SND1: variants seen among roughly 807,000 people sequenced by gnomAD.
The protein encoded by SND1 is staphylococcal nuclease and tudor domain containing 1.
In SND1, 38 loss-of-function variants were observed where a neutral mutation model predicts 121.7. That is an observed-to-expected ratio of 0.31 (90% CI 0.24 to 0.41). The LOEUF is 0.41. Among genes scored for constraint, SND1 ranks in the 10% least tolerant of loss-of-function variants. The probability of loss-of-function intolerance (pLI) is 1.00; values close to 1 mark genes in which losing one functional copy is unlikely to be tolerated. For missense variants in SND1, 868 were observed against 1,184.6 expected (o/e 0.73, Z 3.92); for synonymous variants, 401 against 447.4 (o/e 0.90, Z 1.31).
intron 12 of SND1, among the ~76,000 whole-genome samples, chr7:127,885,892 G>A (rs1401247457): frequency 6.6e-6 from 1 of 152,090 alleles, no homozygotes; most frequent in Admixed American, 6.6e-5. Flanking sequence ...TATCAAAAGT[G>A]GAGTTGTCCC....
intron 15 of SND1, 140 bp downstream of exon 15, chr7:127,929,469 A>G: frequency 3.6e-6 from 3 of 835,724 alleles, no homozygotes; most frequent in Non-Finnish European, 5.8e-6. Context: ...ATGCAAACAC[A>G]GTTTCTAGAT....
At chr7:127,831,212 C>G (rs991268515) in intron 11 of SND1, among the ~76,000 whole-genome samples, 4 of 152,194 alleles carry the variant, frequency 2.6e-5, no homozygotes, top group African/African-American at 9.7e-5. Flanking sequence ...GGGGATGGGG[C>G]ACAGCCCTTC....
intron 1 of SND1, among the ~76,000 whole-genome samples, chr7:127,656,909 G>A (rs1795221016): frequency 6.6e-6 from 1 of 152,216 alleles, no homozygotes; most frequent in Admixed American, 6.5e-5. Flanking sequence ...AGGCTAGGAT[G>A]GAAGGCTTTT....
chr7:127,704,858 T>A lies in SND1; in HGVS notation c.860T>A (p.Leu287His). The part of the protein sequence containing the change: ...ILHPNGNITE[L>H]LLKEGFARCV... ...TTTCAGAATGGCAACATCACAGAGC[T>A]CCTCCTGAAGGAAGGTTTCGCACGC... The change falls in exon 8 of 24, where the codon CTC (leucine) becomes CAC (histidine). Residue 287 changes from leucine to histidine, a missense_variant. Physicochemically the swap from Leu to His is moderately conservative, Grantham distance 99. Coordinates refer to ENST00000354725, the MANE Select transcript of SND1 (RefSeq NM_014390.4). 1.9e-6 allele frequency: 3 copies of A among 1,613,962 alleles called. No homozygotes were observed. Among genetic ancestry groups the A allele is most frequent in the Non-Finnish European group, 2.5e-6 (3 of 1,179,914 alleles).
chr7:127,979,461 G>C (rs1802207209), intron 15 of SND1, among the ~76,000 whole-genome samples: 1 of 152,180 alleles, frequency 6.6e-6, no homozygotes. Context: ...CTTTTAAAGA[G>C]AGCAGGGGTA....
At chr7:128,013,408 G>A (rs754714309) in intron 16 of SND1, among the ~76,000 whole-genome samples, 2 of 152,230 alleles carry the variant, frequency 1.3e-5, no homozygotes, top group African/African-American at 4.8e-5. Context: ...GCAAACTAAT[G>A]AATATGTGAA....
At chr7:127,927,647 T>C (rs550086637) in intron 14 of SND1, among the ~76,000 whole-genome samples, 53 of 152,030 alleles carry the variant, frequency 3.5e-4, no homozygotes, top group Non-Finnish European at 5.9e-5. Context: ...TGGATCGCTG[T>C]CTCTCTTTTT....
chr7:128,030,568 T>G (rs1409501036), intron 16 of SND1: 4 of 1,610,282 alleles, frequency 2.5e-6, no homozygotes, highest in Non-Finnish European at 3.4e-6. Flanking sequence ...ACTTGCGCCG[T>G]GAGGTAGACG....
intron 9 of SND1, among the ~76,000 whole-genome samples, chr7:127,708,402 C>T (rs1174615536): frequency 6.0e-5 from 4 of 66,942 alleles, no homozygotes; most frequent in Admixed American, 5.6e-4. Context: ...TCCCTTCCTC[C>T]CTTCCTCCCT....
At chr7:127,935,513 G>C (rs1801043292) in intron 15 of SND1, among the ~76,000 whole-genome samples, 1 of 152,222 alleles carries the variant, frequency 6.6e-6, no homozygotes, top group Non-Finnish European at 1.5e-5. Flanking sequence ...ATTCTGAAGA[G>C]AAGGAATCAG....
chr7:127,759,458 CCTT>C (rs1343215425), intron 10 of SND1, among the ~76,000 whole-genome samples: 1 of 152,110 alleles, frequency 6.6e-6, no homozygotes, highest in African/African-American at 2.4e-5. Context: ...GTGTCCCCAT[CCTT>C]CTTTGATCCA....
At chr7:127,943,361 C>T (rs1302521196) in intron 15 of SND1, among the ~76,000 whole-genome samples, 3 of 152,146 alleles carry the variant, frequency 2.0e-5, no homozygotes, top group African/African-American at 7.2e-5. Context: ...AATAAAAATA[C>T]TCATGAAATT....
chr7:127,711,710 G>C (rs1384982600), intron 9 of SND1, among the ~76,000 whole-genome samples: 1 of 151,626 alleles, frequency 6.6e-6, no homozygotes, highest in East Asian at 1.9e-4. Flanking sequence ...CTATTATTTG[G>C]TTGTTGGATT....
intron 1 of SND1, among the ~76,000 whole-genome samples, chr7:127,664,858 G>A (rs992232695): frequency 2.6e-5 from 4 of 152,162 alleles, no homozygotes; most frequent in Non-Finnish European, 5.9e-5. Flanking sequence ...ATTGCTTGGT[G>A]TGGAAAAAAA....
At chr7:127,845,863 A>G (rs1457987879) in intron 12 of SND1, among the ~76,000 whole-genome samples, 1 of 152,216 alleles carries the variant, frequency 6.6e-6, no homozygotes, top group Non-Finnish European at 1.5e-5. Flanking sequence ...TTAAAATGAG[A>G]TATTCAGGGA....
chr7:127,854,598 A>G (rs1404208876), intron 12 of SND1, among the ~76,000 whole-genome samples: 6 of 151,184 alleles, frequency 4.0e-5, no homozygotes, highest in African/African-American at 9.7e-5. Flanking sequence ...TAGTGCCATG[A>G]TGTGATAAGG....
chr7:127,890,096 T>A (rs1799982248), intron 13 of SND1, among the ~76,000 whole-genome samples: 1 of 152,068 alleles, frequency 6.6e-6, no homozygotes, highest in Admixed American at 6.6e-5. Flanking sequence ...TTCTTGAAGA[T>A]CCTCCAAACT....
intron 11 of SND1, among the ~76,000 whole-genome samples, chr7:127,818,967 G>A (rs1250566357): frequency 6.6e-6 from 1 of 152,148 alleles, no homozygotes; most frequent in East Asian, 1.9e-4. Context: ...CTTTCTGATT[G>A]AATCTCTCAA....
intron 10 of SND1, among the ~76,000 whole-genome samples, chr7:127,803,952 C>T (rs1416609052): frequency 6.6e-6 from 1 of 152,128 alleles, no homozygotes; most frequent in East Asian, 1.9e-4. Context: ...GATTACAGCA[C>T]ATATTGGTTT....
Sources: gnomAD v4.1 joint callset for allele counts (sites outside exome capture counted in the v4.1 genomes callset) on GRCh38, gnomAD v4.1.1 for gene constraint, MANE v1.5 for transcripts, NCBI Gene and HGNC (gene_info 2026-07-23, HGNC 2026-07-21) for gene names.